CNTNAP5: variants seen among roughly 807,000 people sequenced by gnomAD.
The protein encoded by CNTNAP5 is contactin associated protein family member 5, also known as contactin-associated protein-like 5.
In CNTNAP5, 72 loss-of-function variants were observed where a neutral mutation model predicts 150.2. The ratio of observed to expected loss-of-function variants is 0.48; its 90% CI spans 0.40 to 0.58. The LOEUF (loss-of-function observed/expected upper bound fraction) is 0.58. Ranked by LOEUF, CNTNAP5 falls within the 20% of genes least tolerant of loss-of-function variation. The pLI is 0.00. For missense variants in CNTNAP5, 1,636 were observed against 1,626.2 expected (o/e 1.01, Z -0.10); for synonymous variants, 672 against 619.8 (o/e 1.08, Z -1.25).
intron 1 of CNTNAP5, among the ~76,000 whole-genome samples, chr2:124,150,429 A>G (rs1368724089): frequency 1.3e-5 from 2 of 152,196 alleles, no homozygotes; most frequent in African/African-American, 2.4e-5. Flanking sequence ...ATGGGAACAG[A>G]TAATTTAGAG....
intron 8 of CNTNAP5, among the ~76,000 whole-genome samples, chr2:124,520,168 G>T (rs1694819690): frequency 6.6e-6 from 1 of 152,096 alleles, no homozygotes; most frequent in African/African-American, 2.4e-5. Flanking sequence ...CTCTTATCAA[G>T]ATATCAGTAG....
At chr2:124,392,729 G>T (rs1396188872) in intron 3 of CNTNAP5, among the ~76,000 whole-genome samples, 1 of 132,740 alleles carries the variant, frequency 7.5e-6, no homozygotes, top group Non-Finnish European at 1.6e-5. Flanking sequence ...AGGAGGGGAG[G>T]AAAAAAAAAA....
chr2:124,434,238 T>C (rs1296091735), intron 4 of CNTNAP5, among the ~76,000 whole-genome samples: 2 of 152,196 alleles, frequency 1.3e-5, no homozygotes, highest in East Asian at 3.9e-4. Context: ...ATATCACTAA[T>C]GAGAGTTTTT....
chr2:124,725,540 T>G (rs1680138858), intron 13 of CNTNAP5, among the ~76,000 whole-genome samples: 1 of 149,074 alleles, frequency 6.7e-6, no homozygotes, highest in Admixed American at 6.7e-5. Flanking sequence ...GTTTCCTTCC[T>G]CTCTCTCTCA....
At chr2:124,775,395 C>G (rs1043682890) in intron 17 of CNTNAP5, among the ~76,000 whole-genome samples, 2 of 152,128 alleles carry the variant, frequency 1.3e-5, no homozygotes, top group African/African-American at 4.8e-5. Flanking sequence ...TTGGCGTGTG[C>G]TTCTTTACTG....
chr2:124,552,637 G>A (rs979578447), intron 10 of CNTNAP5, among the ~76,000 whole-genome samples: 4 of 152,096 alleles, frequency 2.6e-5, no homozygotes, highest in African/African-American at 9.7e-5. Flanking sequence ...ATATGTATGT[G>A]TGAGTATATC....
chr2:124,152,660 G>C (rs1684434250), intron 1 of CNTNAP5, among the ~76,000 whole-genome samples: 1 of 152,120 alleles, frequency 6.6e-6, no homozygotes. Context: ...TCAGAAGGTA[G>C]AGAGGAATGA....
At chr2:124,115,473 T>C (rs983402654) in intron 1 of CNTNAP5, among the ~76,000 whole-genome samples, 7 of 152,172 alleles carry the variant, frequency 4.6e-5, no homozygotes, top group Admixed American at 2.0e-4. Flanking sequence ...AAAAGAGTAA[T>C]ACGTTTTGAA....
chr2:124,176,070 G>A (rs184859748), intron 1 of CNTNAP5, among the ~76,000 whole-genome samples: 1 of 152,302 alleles, frequency 6.6e-6, no homozygotes, highest in African/African-American at 2.4e-5. Context: ...GTCCACAGGA[G>A]AGCTCCAAAG....
In CNTNAP5 at chr2:124,108,101, G is replaced by A. The variant is rs566884706; in HGVS notation, c.82+82369G>A. 8.5e-5 allele frequency among the ~76,000 whole-genome samples: 13 copies of A among 152,314 alleles called. No individual in the cohort carries two copies. In the East Asian group the frequency reaches 2.3e-3, roughly 27 times the overall value. On this transcript the variant is annotated intron_variant, in intron 1 of 23. Coordinates refer to ENST00000682447, the MANE Select transcript of CNTNAP5 (RefSeq NM_001367498.1). ...ATTTGTCTCAGGTGAGCAGAGCGATGGCTGTCTGTCCTGCACCTGTGAAGA... is the reference window on the plus strand; with the variant it reads ...ATTTGTCTCAGGTGAGCAGAGCGATAGCTGTCTGTCCTGCACCTGTGAAGA...
chr2:124,557,866 G>A (rs1295550299), intron 10 of CNTNAP5, among the ~76,000 whole-genome samples: 22 of 152,124 alleles, frequency 1.4e-4, no homozygotes, highest in Admixed American at 1.4e-3. Flanking sequence ...GAATTCCAGT[G>A]CAAGAACCCT....
At chr2:124,825,175 C>A (rs1007604862) in intron 19 of CNTNAP5, among the ~76,000 whole-genome samples, 2 of 152,158 alleles carry the variant, frequency 1.3e-5, no homozygotes, top group African/African-American at 4.8e-5. Context: ...TATGGTCTAT[C>A]TACACTCTAT....
chr2:124,792,945 G>A (rs1462317853), intron 18 of CNTNAP5, among the ~76,000 whole-genome samples: 2 of 152,186 alleles, frequency 1.3e-5, no homozygotes, highest in African/African-American at 4.8e-5. Context: ...GTCAGTTAAT[G>A]GATGTTGGGA....
chr2:124,586,220 T>C (rs1312476124), intron 11 of CNTNAP5, among the ~76,000 whole-genome samples: 2 of 152,242 alleles, frequency 1.3e-5, no homozygotes, highest in Non-Finnish European at 2.9e-5. Flanking sequence ...TGTGCTATCT[T>C]ATCTTTAGAG....
chr2:124,145,826 A>AT (rs1287201613), intron 1 of CNTNAP5, among the ~76,000 whole-genome samples: 1 of 3,672 alleles, frequency 2.7e-4, no homozygotes. Flanking sequence ...AAAAAAAAAA[A>AT]AAGAAGAAAA....
chr2:124,109,994 T>G (rs184860805), intron 1 of CNTNAP5, among the ~76,000 whole-genome samples: 8 of 152,332 alleles, frequency 5.3e-5, no homozygotes, highest in Non-Finnish European at 1.0e-4. Context: ...TTACAACAAG[T>G]GCTCACAAGT....
At chr2:124,584,976 G>A (rs1388591834) in intron 11 of CNTNAP5, among the ~76,000 whole-genome samples, 1 of 152,156 alleles carries the variant, frequency 6.6e-6, no homozygotes, top group Non-Finnish European at 1.5e-5. Flanking sequence ...CATTGTATGA[G>A]CTCATTTGCA....
chr2:124,639,130 T>A (rs966507830), intron 12 of CNTNAP5, among the ~76,000 whole-genome samples: 2 of 152,200 alleles, frequency 1.3e-5, no homozygotes, highest in Non-Finnish European at 2.9e-5. Flanking sequence ...CTTTAGGCCA[T>A]ATGTTAGAGA....
intron 13 of CNTNAP5, among the ~76,000 whole-genome samples, chr2:124,741,309 T>C (rs1239790831): frequency 6.6e-6 from 1 of 152,162 alleles, no homozygotes; most frequent in African/African-American, 2.4e-5. Flanking sequence ...CTTGGACTGT[T>C]CATAGCAACG....
Sources: gnomAD v4.1 joint callset for allele counts (sites outside exome capture counted in the v4.1 genomes callset) on GRCh38, gnomAD v4.1.1 for gene constraint, MANE v1.5 for transcripts, NCBI Gene and HGNC (gene_info 2026-07-23, HGNC 2026-07-21) for gene names.